The following MAOB variants were observed in gnomAD, a reference collection of about 807,000 sequenced individuals.
MAOB encodes amine oxidase [flavin-containing] B.
Under a neutral mutation model 41.9 loss-of-function variants are expected in MAOB, and 15 were observed. The observed-to-expected ratio is 0.36, with a 90% confidence interval of 0.24 to 0.55. MAOB has a LOEUF of 0.55. MAOB is among the 20% of genes least tolerant of loss of function. MAOB has a pLI of 0.86. For synonymous variants in MAOB, 167 were observed against 144.2 expected, an observed-to-expected ratio of 1.16 and a Z score of -1.13; for missense variants, 345 against 398.7, an observed-to-expected ratio of 0.87 and a Z score of 1.15.
intron 6 of MAOB, 136 bp downstream of exon 6, chrX:43,796,989 A>T: frequency 3.3e-6 from 2 of 600,435 alleles, no homozygotes; most frequent in South Asian, 8.3e-5. Context: ...TACAAGAAAC[A>T]CTTTGAGCTG....
At chrX:43,795,224 T>C (rs930756000) in intron 7 of MAOB, among the ~76,000 whole-genome samples, 4 of 111,782 alleles carry the variant, frequency 3.6e-5, no homozygotes, top group African/African-American at 6.5e-5. Flanking sequence ...TCAAGTTTGA[T>C]TGATTTGCTA....
At chrX:43,881,048 T>C (rs1485298224) in intron 1 of MAOB, among the ~76,000 whole-genome samples, 2 of 113,293 alleles carry the variant, frequency 1.8e-5, no homozygotes, top group African/African-American at 3.2e-5. Flanking sequence ...TACGCATCTA[T>C]GTACCTGCAA....
chrX:43,811,741 A>G (rs1601996479), intron 3 of MAOB, among the ~76,000 whole-genome samples: 2 of 111,501 alleles, frequency 1.8e-5, no homozygotes, highest in South Asian at 7.7e-4. Flanking sequence ...TATGGGGTAC[A>G]TGAGATGTTT....
At chrX:43,804,313 C>T (rs140805231) in intron 3 of MAOB, among the ~76,000 whole-genome samples, 1,668 of 111,151 alleles carry the variant, frequency 0.015, 29 homozygotes, top group African/African-American at 0.052. Flanking sequence ...TAAGAGATTT[C>T]GTATTTGTTC....
At chrX:43,767,960 C>T (rs1203394206) in intron 14 of MAOB, among the ~76,000 whole-genome samples, 1 of 112,303 alleles carries the variant, frequency 8.9e-6, no homozygotes, top group Non-Finnish European at 1.9e-5. Flanking sequence ...GCCACAATGG[C>T]TGATACAGAA....
chrX:43,873,918 G>A (rs547340357), intron 1 of MAOB, among the ~76,000 whole-genome samples: 3 of 111,271 alleles, frequency 2.7e-5, no homozygotes, highest in African/African-American at 6.5e-5. Flanking sequence ...CTCGCGATCC[G>A]CCCGCCTCGG....
intron 11 of MAOB, among the ~76,000 whole-genome samples, chrX:43,777,296 T>C (rs1176708203): frequency 8.9e-6 from 1 of 111,753 alleles, no homozygotes; most frequent in African/African-American, 3.3e-5. Context: ...TTAGTGAGTA[T>C]ATACTGTATT....
intron 1 of MAOB, chrX:43,850,397 A>T: frequency 1.3e-6 from 1 of 748,336 alleles, no homozygotes; most frequent in Non-Finnish European, 1.6e-6. Context: ...AGGCATGTGG[A>T]ACAGTGCAGC....
chrX:43,776,679 A>G (rs1207291532), intron 11 of MAOB, among the ~76,000 whole-genome samples: 3 of 110,567 alleles, frequency 2.7e-5, no homozygotes, highest in Non-Finnish European at 5.7e-5. Flanking sequence ...TTACATATGT[A>G]TACATGTGCC....
Position 43,855,399 on chromosome X carries a change from CGT to C in MAOB, c.47-11637_47-11636del, listed in dbSNP as rs748544135. ...ACTCATGCTCAGTGTCTAGCATATA[CGT>C]GTGTGTGTGTGTGTGTGTGTGTATG... On this transcript the variant is annotated intron_variant, in intron 1 of 14. Coordinates refer to ENST00000378069, the MANE Select transcript of MAOB (RefSeq NM_000898.5). Among the ~76,000 whole-genome samples the C allele has an allele frequency of 1.7e-3, 181 of 105,736 alleles. 1 individual carries two copies. The highest frequency in any genetic ancestry group is 4.9e-3 in the Middle Eastern group (1 of 206). The allele number at this position is 105,736 out of a possible 115,157, so 91.8% of individuals were successfully genotyped here.
At chrX:43,782,503 T>A (rs1339532992) in intron 8 of MAOB, among the ~76,000 whole-genome samples, 2 of 111,038 alleles carry the variant, frequency 1.8e-5, no homozygotes, top group East Asian at 5.8e-4. Context: ...TAATTAATAG[T>A]CTACCAACCA....
intron 10 of MAOB, 136 bp downstream of exon 10, chrX:43,780,206 G>A (rs773164618): frequency 4.6e-5 from 23 of 496,628 alleles, no homozygotes; most frequent in African/African-American, 2.2e-4. Context: ...TAGGCAGTCC[G>A]TAAGTTAAAA....
chrX:43,872,471 CTT>C (rs1319326949), intron 1 of MAOB, among the ~76,000 whole-genome samples: 1 of 111,332 alleles, frequency 9.0e-6, no homozygotes, highest in Non-Finnish European at 1.9e-5. Context: ...ATTGGTAAAA[CTT>C]TCTTGGGCGA....
chrX:43,781,736 C>A (rs2034335875), intron 8 of MAOB, among the ~76,000 whole-genome samples, 192 bp from the exon 9 acceptor site: 1 of 111,913 alleles, frequency 8.9e-6, no homozygotes, highest in Admixed American at 9.5e-5. Flanking sequence ...TTGAAAAAAT[C>A]AAACCATAAG....
At chrX:43,831,897 T>C (rs1439127719) in intron 3 of MAOB, among the ~76,000 whole-genome samples, 6 of 112,046 alleles carry the variant, frequency 5.4e-5, no homozygotes, top group African/African-American at 1.9e-4. Context: ...CTTTCTCACC[T>C]TCTCTACATT....
intron 2 of MAOB, 50 bp downstream of exon 2, chrX:43,843,620 C>T (rs376911557): frequency 8.7e-7 from 1 of 1,147,055 alleles, no homozygotes; most frequent in African/African-American, 1.8e-5. Context: ...AATGAAACCC[C>T]AAACTCAGCT....
At chrX:43,812,056 T>C (rs1206652745) in intron 3 of MAOB, among the ~76,000 whole-genome samples, 1 of 111,840 alleles carries the variant, frequency 8.9e-6, no homozygotes, top group African/African-American at 3.3e-5. Context: ...GTTCAATTGT[T>C]TTGATTTTTA....
At position 43,813,179 on chromosome X, in the gene MAOB, T is replaced by G. The variant is rs1421537698; in HGVS notation, c.280-9775A>C. On this transcript the variant is annotated intron_variant, in intron 3 of 14. Transcript: ENST00000378069. Reference sequence around the variant, plus strand: ...ATTCAAAGACCAATGCTCTCGATCATGAAGCTTCCCAGCCTTTCCTTTTAA... The same window carrying G: ...ATTCAAAGACCAATGCTCTCGATCAGGAAGCTTCCCAGCCTTTCCTTTTAA... 3.6e-5 allele frequency among the ~76,000 whole-genome samples: 4 copies of G among 112,393 alleles called. No homozygotes were observed. In the East Asian group the frequency reaches 8.3e-4, roughly 23 times the overall value.
intron 1 of MAOB, among the ~76,000 whole-genome samples, chrX:43,857,157 AGAGAGAGAAGAAG>A (rs2035302271): frequency 5.0e-5 from 3 of 60,456 alleles, no homozygotes; most frequent in Admixed American, 1.9e-4. Context: ...AGAGAGAGAG[AGAGAGAGAAGAAG>A]AGAGAGAGAG....
Sources: allele counts gnomAD v4.1 joint callset (sites outside exome capture counted in the v4.1 genomes callset), GRCh38; gene constraint gnomAD v4.1.1; transcripts MANE v1.5; gene names NCBI Gene and HGNC (gene_info 2026-07-23, HGNC 2026-07-21).